The following P2RY8 variants were observed in gnomAD, a reference collection of about 807,000 sequenced individuals.
P2RY8 encodes the protein P2Y receptor family member 8.
Under a neutral mutation model 10.0 loss-of-function variants are expected in P2RY8, and 6 were observed. The ratio of observed to expected loss-of-function variants is 0.60; its 90% CI spans 0.33 to 1.19. The LOEUF is 1.19. Ranked by LOEUF, P2RY8 falls within the 50% of genes most tolerant of loss-of-function variation. P2RY8 has a pLI of 0.04. For synonymous variants in P2RY8, 276 were observed against 252.5 expected (o/e 1.09, Z -0.88); for missense variants, 456 against 542.0 (o/e 0.84, Z 1.58).
At chrX:1,498,968 G>A (rs374352145) in intron 1 of P2RY8, among the ~76,000 whole-genome samples, 168 of 151,862 alleles carry the variant, frequency 1.1e-3, no homozygotes, top group African/African-American at 3.8e-3. Flanking sequence ...CTGAGTAGCT[G>A]GGATTACAGG....
At chrX:1,497,995 A>G (rs1356979022) in intron 1 of P2RY8, among the ~76,000 whole-genome samples, 3 of 152,114 alleles carry the variant, frequency 2.0e-5, no homozygotes, top group Non-Finnish European at 4.4e-5. Flanking sequence ...CAGCCAACAG[A>G]CACGGAGAGC....
intron 1 of P2RY8, among the ~76,000 whole-genome samples, chrX:1,491,103 G>A (rs2092043323): frequency 6.6e-6 from 1 of 150,652 alleles, no homozygotes; most frequent in Non-Finnish European, 1.5e-5. Flanking sequence ...TGGGGGGAAT[G>A]AATGAATGAC....
chrX:1,465,232 A>G lies in P2RY8; in HGVS notation c.*247T>C. ...AGGCAGAGGCACCCTCTGCAGGATAACAAGCACCCTGTGCGCTGCTGGGCT... is the reference window on the plus strand; with the variant it reads ...AGGCAGAGGCACCCTCTGCAGGATAGCAAGCACCCTGTGCGCTGCTGGGCT... On this transcript the variant is annotated 3_prime_UTR_variant, in exon 2 of 2. Transcript: ENST00000381297. The G allele has an allele frequency of 1.7e-6, 1 of 584,970 alleles. No homozygotes were observed. The highest frequency in any genetic ancestry group is 2.9e-6 in the Non-Finnish European group (1 of 345,228). 36.2% of individuals were successfully genotyped at this position (584,970 alleles called of 1,614,324 possible).
At chrX:1,511,794 C>G (rs1325187986) in intron 1 of P2RY8, among the ~76,000 whole-genome samples, 1 of 152,140 alleles carries the variant, frequency 6.6e-6, no homozygotes, top group Non-Finnish European at 1.5e-5. Flanking sequence ...GCTCCAGACA[C>G]GATTCTCTTA....
intron 1 of P2RY8, among the ~76,000 whole-genome samples, chrX:1,527,007 C>T (rs1187319700): frequency 1.3e-5 from 2 of 152,136 alleles, no homozygotes; most frequent in Non-Finnish European, 2.9e-5. Context: ...GATTCTCCTG[C>T]CTCAGCCTCC....
At position 1,524,645 on chromosome X, in the gene P2RY8, A is replaced by ACATCCATGCATC. The variant is rs1225274481; in HGVS notation, c.-25+12275_-25+12276insGATGCATGGATG. Among the ~76,000 whole-genome samples the ACATCCATGCATC allele has an allele frequency of 2.0e-3, 85 of 42,202 alleles. 1 individual carries two copies. The highest frequency in any genetic ancestry group is 2.5e-3 in the Non-Finnish European group (53 of 21,602). The allele number at this position is 42,202 out of a possible 152,430, so 27.7% of individuals were successfully genotyped here. On this transcript the variant is annotated intron_variant, in intron 1 of 1. Transcript: ENST00000381297. ...TCCATTCATCCATCCATCCATCCAT[A>ACATCCATGCATC]CATCCATCCATCCATCCATCCATTC...
chrX:1,505,130 T>A (rs1265787689), intron 1 of P2RY8, among the ~76,000 whole-genome samples: 4 of 58,450 alleles, frequency 6.8e-5, no homozygotes, highest in Admixed American at 2.1e-4. Context: ...AGAGAGAGAC[T>A]CTGTCTCAAA....
intron 1 of P2RY8, among the ~76,000 whole-genome samples, chrX:1,467,413 C>T (rs1215414591): frequency 3.9e-5 from 6 of 152,172 alleles, no homozygotes; most frequent in Non-Finnish European, 8.8e-5. Flanking sequence ...GGTCCGTGCC[C>T]AGGTGTGAAA....
chrX:1,467,541 G>A (rs1269922030), intron 1 of P2RY8, among the ~76,000 whole-genome samples: 1 of 152,220 alleles, frequency 6.6e-6, no homozygotes, highest in African/African-American at 2.4e-5. Context: ...TGGTGTGGCC[G>A]TGGGGGACGT....
chrX:1,529,470 A>G (rs2092459213), intron 1 of P2RY8, among the ~76,000 whole-genome samples: 1 of 151,932 alleles, frequency 6.6e-6, no homozygotes, highest in African/African-American at 2.4e-5. Context: ...GCTTGTCTAT[A>G]TCTTGGGCAG....
At chrX:1,470,700 G>C (rs1358548868) in intron 1 of P2RY8, among the ~76,000 whole-genome samples, 4 of 152,104 alleles carry the variant, frequency 2.6e-5, no homozygotes, top group East Asian at 1.9e-4. Flanking sequence ...ACTGAGCCAG[G>C]GGTCTTCAAA....
Position 1,508,702 on chromosome X carries a change from C to CATCCATCCATCCATCCATCCATCT in P2RY8, c.-25+28218_-25+28219insAGATGGATGGATGGATGGATGGAT, listed in dbSNP as rs1224676271. 7.7e-4 allele frequency among the ~76,000 whole-genome samples: 67 copies of CATCCATCCATCCATCCATCCATCT among 86,510 alleles called. 1 individual carries two copies. Among genetic ancestry groups the CATCCATCCATCCATCCATCCATCT allele is most frequent in the South Asian group, 1.5e-3 (4 of 2,724 alleles). The allele number at this position is 86,510 out of a possible 152,430, so 56.8% of individuals were successfully genotyped here. A position where few individuals can be genotyped will look rare whatever the true frequency, so the allele number is the denominator to read the frequency against. On this transcript the variant is annotated intron_variant, in intron 1 of 1. Coordinates refer to ENST00000381297, the MANE Select transcript of P2RY8 (RefSeq NM_178129.5). ...TCCATCATCCATCCATCCATCCATCCATTCTATCTATCTATCTATCTATCT... is the reference window on the plus strand; with the variant it reads ...TCCATCATCCATCCATCCATCCATCCATCCATCCATCCATCCATCCATCTATTCTATCTATCTATCTATCTATCT...
intron 1 of P2RY8, among the ~76,000 whole-genome samples, chrX:1,525,815 A>G (rs2092436033): frequency 1.3e-5 from 2 of 151,682 alleles, no homozygotes; most frequent in Non-Finnish European, 2.9e-5. Flanking sequence ...TCCACTATTC[A>G]TTCGCCCATT....
intron 1 of P2RY8, among the ~76,000 whole-genome samples, chrX:1,492,936 C>A (rs1603457501): frequency 1.3e-5 from 2 of 151,916 alleles, no homozygotes; most frequent in Non-Finnish European, 1.5e-5. Context: ...TGAACACACC[C>A]CCGCCTCCAT....
intron 1 of P2RY8, among the ~76,000 whole-genome samples, chrX:1,524,725 C>T (rs2092425602): frequency 3.1e-5 from 3 of 95,760 alleles, no homozygotes; most frequent in Admixed American, 1.1e-4. Context: ...ATTCATCCAT[C>T]CATCCATACA....
chrX:1,524,552 TGCA>T (rs2092419793), intron 1 of P2RY8, among the ~76,000 whole-genome samples: 1 of 90,036 alleles, frequency 1.1e-5, no homozygotes, highest in Non-Finnish European at 2.2e-5. Flanking sequence ...CATCCATCCA[TGCA>T]TGCATCCATC....
At chrX:1,533,533 TTTA>T (rs1451652069) in intron 1 of P2RY8, among the ~76,000 whole-genome samples, 1 of 127,684 alleles carries the variant, frequency 7.8e-6, no homozygotes, top group East Asian at 2.1e-4. Flanking sequence ...TTATATTTTA[TTTA>T]TTATTTATAT....
chrX:1,473,972 T>G (rs1301597068), intron 1 of P2RY8, among the ~76,000 whole-genome samples: 2 of 143,290 alleles, frequency 1.4e-5, no homozygotes, highest in African/African-American at 2.6e-5. Flanking sequence ...GATGGATGAG[T>G]GGGTGGATGG....
chrX:1,537,160 A>G lies in P2RY8; in HGVS notation c.-264T>C. ...AGGCGGCCGCTTCGCTGGGTGGCCC[A>G]CCGGCTGGCACGACTGTCTCCGAAT... is the stretch of plus-strand genomic sequence containing the variant. On this transcript the variant is annotated 5_prime_UTR_variant, in exon 1 of 2. Transcript: ENST00000381297. 1 of 232,750 alleles carries G rather than the reference A, an allele frequency of 4.3e-6. No homozygotes were observed. The highest frequency in any genetic ancestry group is 6.1e-5 in the East Asian group (1 of 16,522). The allele number at this position is 232,750 out of a possible 1,614,324, so 14.4% of individuals were successfully genotyped here.
Sources: gnomAD v4.1 joint callset for allele counts (sites outside exome capture counted in the v4.1 genomes callset) on GRCh38, gnomAD v4.1.1 for gene constraint, MANE v1.5 for transcripts, NCBI Gene and HGNC (gene_info 2026-07-23, HGNC 2026-07-21) for gene names.